Variants in LINGO2 observed in about 807,000 individuals in gnomAD.
The protein encoded by LINGO2 is leucine-rich repeat and immunoglobulin-like domain-containing nogo receptor-interacting protein 2.
Under a neutral mutation model 30.6 loss-of-function variants are expected in LINGO2, and 14 were observed. The observed-to-expected ratio is 0.46, with a 90% confidence interval of 0.30 to 0.72. The LOEUF is 0.72. Among genes scored for constraint, LINGO2 ranks in the 30% least tolerant of loss-of-function variants. The probability of loss-of-function intolerance (pLI) is 0.07; values close to 1 mark genes in which losing one functional copy is unlikely to be tolerated. For missense variants in LINGO2, 729 were observed against 751.7 expected (o/e 0.97, Z 0.35); for synonymous variants, 317 against 288.5 (o/e 1.10, Z -1.00).
intron 2 of LINGO2, among the ~76,000 whole-genome samples, chr9:28,452,813 G>C (rs534204757): frequency 9.8e-4 from 149 of 151,950 alleles, no homozygotes; most frequent in Admixed American, 3.2e-3. Context: ...ACATGGGTAA[G>C]AGCCCAGAGG....
At chr9:28,963,340 T>C in the LINGO2 span, among the ~76,000 whole-genome samples, 1 of 151,926 alleles carries the variant, frequency 6.6e-6, no homozygotes, top group Non-Finnish European at 1.5e-5. Flanking sequence ...GACTAGTACA[T>C]TGAAGATAAG....
chr9:29,154,604 CCT>C, the LINGO2 span, among the ~76,000 whole-genome samples: 4 of 152,048 alleles, frequency 2.6e-5, no homozygotes, highest in East Asian at 7.7e-4. Flanking sequence ...TGGTGGAGTT[CCT>C]TTGAAACTTT....
chr9:28,750,176 C>T, the LINGO2 span, among the ~76,000 whole-genome samples: 1 of 152,102 alleles, frequency 6.6e-6, no homozygotes, highest in African/African-American at 2.4e-5. Flanking sequence ...TTGATTCCTT[C>T]GCACTAGAAT....
At chr9:28,759,558 T>C in the LINGO2 span, among the ~76,000 whole-genome samples, 1 of 151,724 alleles carries the variant, frequency 6.6e-6, no homozygotes, top group Non-Finnish European at 1.5e-5. Context: ...GACAGGCGCC[T>C]GCAGTCCCAG....
the LINGO2 span, among the ~76,000 whole-genome samples, chr9:29,166,550 C>G: frequency 1.3e-5 from 2 of 152,092 alleles, no homozygotes; most frequent in African/African-American, 4.8e-5. Flanking sequence ...GAGAAGATAA[C>G]TATCCAAGGC....
the LINGO2 span, among the ~76,000 whole-genome samples, chr9:29,001,918 A>G: frequency 6.6e-6 from 1 of 152,028 alleles, no homozygotes; most frequent in Non-Finnish European, 1.5e-5. Context: ...CTCTGAGGAT[A>G]AACACCCACC....
chr9:28,439,799 T>C (rs982776008), intron 2 of LINGO2, among the ~76,000 whole-genome samples: 4 of 152,138 alleles, frequency 2.6e-5, no homozygotes, highest in Admixed American at 1.3e-4. Context: ...AATGGATTAA[T>C]ACACCGTGAA....
the LINGO2 span, among the ~76,000 whole-genome samples, chr9:29,137,447 GGT>G: frequency 6.6e-6 from 1 of 152,074 alleles, no homozygotes; most frequent in African/African-American, 2.4e-5. Flanking sequence ...GTTCAAATAA[GGT>G]GTGTGTATAG....
chr9:28,519,095 T>C (rs1013286034), intron 1 of LINGO2, among the ~76,000 whole-genome samples: 11 of 152,104 alleles, frequency 7.2e-5, no homozygotes, highest in Admixed American at 7.2e-4. Context: ...TGCGGTGGTA[T>C]GATCATTGTT....
chr9:27,970,399 CG>C (rs1563867238), intron 5 of LINGO2, among the ~76,000 whole-genome samples: 2 of 152,120 alleles, frequency 1.3e-5, no homozygotes, highest in Non-Finnish European at 2.9e-5. Flanking sequence ...TCTGAAGAAA[CG>C]TATCTTTCTT....
At chr9:28,606,717 C>T (rs1188354963) in intron 1 of LINGO2, among the ~76,000 whole-genome samples, 1 of 151,964 alleles carries the variant, frequency 6.6e-6, no homozygotes, top group Non-Finnish European at 1.5e-5. Flanking sequence ...CTGATGCTTC[C>T]ACAACTAGCT....
the LINGO2 span, among the ~76,000 whole-genome samples, chr9:29,150,290 A>G: frequency 6.6e-6 from 1 of 152,210 alleles, no homozygotes; most frequent in Non-Finnish European, 1.5e-5. Context: ...TTCCATTTAT[A>G]CCACGATGAA....
chr9:28,245,347 T>C (rs116703376), intron 4 of LINGO2, among the ~76,000 whole-genome samples: 2,096 of 152,216 alleles, frequency 0.014, 48 homozygotes, highest in African/African-American at 0.047. Flanking sequence ...ACAACTGATA[T>C]ACTAAATGGG....
the LINGO2 span, among the ~76,000 whole-genome samples, chr9:29,116,066 T>A: frequency 6.6e-6 from 1 of 151,920 alleles, no homozygotes; most frequent in African/African-American, 2.4e-5. Flanking sequence ...AAAATTTGAG[T>A]AGAAATCAGA....
chr9:29,001,356 A>C, the LINGO2 span, among the ~76,000 whole-genome samples: 3 of 151,940 alleles, frequency 2.0e-5, no homozygotes, highest in Admixed American at 1.3e-4. Context: ...TATGTGACCA[A>C]TGTTTTATTC....
At chr9:28,524,711 C>T (rs941277055) in intron 1 of LINGO2, among the ~76,000 whole-genome samples, 1 of 152,110 alleles carries the variant, frequency 6.6e-6, no homozygotes, top group Non-Finnish European at 1.5e-5. Context: ...AGAGATCACG[C>T]CATTGCACTT....
the LINGO2 span, among the ~76,000 whole-genome samples, chr9:29,022,828 C>T: frequency 1.3e-5 from 2 of 152,116 alleles, no homozygotes; most frequent in African/African-American, 2.4e-5. Context: ...GGCATTGTTA[C>T]TCTCTTCGTA....
At chr9:27,967,568 A>G (rs1820158398) in intron 5 of LINGO2, among the ~76,000 whole-genome samples, 1 of 152,152 alleles carries the variant, frequency 6.6e-6, no homozygotes, top group Admixed American at 6.6e-5. Context: ...TCTAGTATAT[A>G]TGCCTAGATT....
At position 28,130,069 on chromosome 9, in the gene LINGO2, T is replaced by C. The variant is rs187080087; in HGVS notation, c.-86-117664A>G. Among the ~76,000 whole-genome samples, 453 of 152,314 alleles carry C rather than the reference T, an allele frequency of 3.0e-3. 4 individuals carry two copies. Among genetic ancestry groups the C allele is most frequent in the Non-Finnish European group, 5.1e-3 (348 of 68,022 alleles). ...CATATGTTTCAGCGTCTCATGAATA[T>C]AGTTATTGATCTTCAGGTAAACTCT... On this transcript the variant is annotated intron_variant, in intron 4 of 5. Coordinates refer to ENST00000379992, the Ensembl canonical transcript of LINGO2. This position sits in a 1 kb window ranked among gnomAD's most constrained non-coding sequence, Gnocchi z 5.2.
Sources: gnomAD v4.1 joint callset for allele counts (sites outside exome capture counted in the v4.1 genomes callset) on GRCh38, gnomAD v4.1.1 for gene constraint, Gnocchi (gnomAD v3.1) non-coding constraint, MANE v1.5 for transcripts, NCBI Gene and HGNC (gene_info 2026-07-23, HGNC 2026-07-21) for gene names.